The following CRIM1 variants were observed in gnomAD, a reference collection of about 807,000 sequenced individuals.
CRIM1 encodes the protein cysteine rich transmembrane BMP regulator 1.
CRIM1 carries 32 observed loss-of-function variants against 116.4 expected under a neutral mutation model. The observed-to-expected ratio is 0.27, with a 90% CI of 0.21 to 0.37. CRIM1 has a LOEUF of 0.37. Among genes scored for constraint, CRIM1 ranks in the 10% least tolerant of loss-of-function variants. CRIM1 has a pLI of 1.00. For synonymous variants in CRIM1, 590 were observed against 509.2 expected (o/e 1.16, Z -2.13); for missense variants, 1,331 against 1,354.8 (o/e 0.98, Z 0.28).
Position 36,356,214 on chromosome 2 carries a change from G to A in CRIM1, c.-79G>A. 1 of 665,038 alleles carries A rather than the reference G, an allele frequency of 1.5e-6. No individual in the cohort carries two copies. Among genetic ancestry groups the A allele is most frequent in the Non-Finnish European group, 2.1e-6 (1 of 480,188 alleles). 41.2% of individuals were successfully genotyped at this position (665,038 alleles called of 1,614,324 possible). ...GGGCTGCTGGTGCGGCGGCGGCGGC[G>A]CGTGTGCCCCGCGCAGGGGAGGGCG... On this transcript the variant is annotated 5_prime_UTR_variant, in exon 1 of 17. Coordinates refer to ENST00000280527, the MANE Select transcript of CRIM1 (RefSeq NM_016441.3). This position sits in a 1 kb window ranked among gnomAD's most constrained non-coding sequence, Gnocchi z 4.3.
chr2:36,412,111 T>C (rs1673256122), intron 2 of CRIM1, among the ~76,000 whole-genome samples: 1 of 152,182 alleles, frequency 6.6e-6, no homozygotes, highest in Non-Finnish European at 1.5e-5. Flanking sequence ...CTTGACTCCC[T>C]TTAGGTAGAC....
chr2:36,456,649 G>C (rs539680449), intron 4 of CRIM1, among the ~76,000 whole-genome samples: 1 of 152,168 alleles, frequency 6.6e-6, no homozygotes, highest in Non-Finnish European at 1.5e-5. Flanking sequence ...GCCAGCTCTC[G>C]ATGTGTGATA....
At position 36,513,670 on chromosome 2, in the gene CRIM1, T is replaced by C. The variant is rs1376430640; in HGVS notation, c.1895T>C (p.Leu632Pro). Residue 632 changes from leucine (L) to proline (P), a missense_variant, in exon 11 of 17, where the codon CTC becomes CCC. Around this residue, in one of 3 missense-constraint regions of CRIM1, gnomAD observed 358 missense variants for 436.1 expected, o/e 0.82. Coordinates refer to ENST00000280527, the MANE Select transcript of CRIM1 (RefSeq NM_016441.3). ...WHDGCRECYC[L>P]NGREMCALIT... Reference sequence around the variant, plus strand: ...GATGGGTGCCGGGAATGCTACTGTCTCAATGGACGGGAAATGTGTGCCCTG... The same window carrying C: ...GATGGGTGCCGGGAATGCTACTGTCCCAATGGACGGGAAATGTGTGCCCTG... 9 of 1,614,226 alleles carry C rather than the reference T, an allele frequency of 5.6e-6. No individual in the cohort carries two copies. The highest frequency in any genetic ancestry group is 7.6e-6 in the Non-Finnish European group (9 of 1,180,032).
Position 36,473,238 on chromosome 2 carries a change from T to G in CRIM1, c.992-3651T>G, listed in dbSNP as rs538667743. Among the ~76,000 whole-genome samples the G allele has an allele frequency of 3.3e-5, 5 of 152,290 alleles. No homozygotes were observed. In the East Asian group the frequency reaches 9.6e-4, roughly 29 times the overall value. On this transcript the variant is annotated intron_variant, in intron 5 of 16. Transcript: ENST00000280527. ...CATGCAAGGGGACATATTAAATGAT[T>G]TGGGGATGGACAGAAGAGCCCTTGA...
At chr2:36,548,423 G>C in intron 16 of CRIM1, 102 bp from the exon 17 acceptor site, 2 of 798,984 alleles carry the variant, frequency 2.5e-6, no homozygotes. Context: ...AATGAATTGT[G>C]AAACTGTTAT....
intron 11 of CRIM1, among the ~76,000 whole-genome samples, chr2:36,514,984 G>A (rs1467466870): frequency 2.6e-5 from 4 of 152,152 alleles, no homozygotes; most frequent in Non-Finnish European, 4.4e-5. Flanking sequence ...CTCCATGTCA[G>A]AACTCTTTCC....
intron 2 of CRIM1, among the ~76,000 whole-genome samples, chr2:36,417,540 G>A (rs1673712896): frequency 6.6e-6 from 1 of 151,882 alleles, no homozygotes; most frequent in Non-Finnish European, 1.5e-5. Flanking sequence ...TCATTTCAGG[G>A]GTCTGTTATC....
chr2:36,420,861 T>C (rs1362437022), intron 2 of CRIM1, among the ~76,000 whole-genome samples: 3 of 152,062 alleles, frequency 2.0e-5, no homozygotes, highest in Non-Finnish European at 4.4e-5. Flanking sequence ...GGGCTTTGAG[T>C]GTCATGGCAC....
intron 7 of CRIM1, among the ~76,000 whole-genome samples, chr2:36,496,525 A>T (rs1008090816): frequency 6.6e-6 from 1 of 152,212 alleles, no homozygotes; most frequent in African/African-American, 2.4e-5. Flanking sequence ...CTTGCATGCT[A>T]CAGCGTTGAG....
At chr2:36,543,998 A>G (rs570452738) in intron 14 of CRIM1, among the ~76,000 whole-genome samples, 2 of 152,306 alleles carry the variant, frequency 1.3e-5, no homozygotes, top group South Asian at 4.1e-4. Context: ...AAGTTATTCA[A>G]TACCCCCATA....
At chr2:36,526,670 G>C (rs1665779666) in intron 13 of CRIM1, among the ~76,000 whole-genome samples, 1 of 152,148 alleles carries the variant, frequency 6.6e-6, no homozygotes, top group South Asian at 2.1e-4. Context: ...TGATGCTTCT[G>C]CCCATACTGA....
intron 9 of CRIM1, among the ~76,000 whole-genome samples, chr2:36,511,095 C>A (rs1303855071): frequency 3.3e-5 from 5 of 152,142 alleles, no homozygotes; most frequent in African/African-American, 1.2e-4. Flanking sequence ...GCATGCGCCA[C>A]CATGCCCAAC....
chr2:36,474,422 T>G (rs1489910366), intron 5 of CRIM1, among the ~76,000 whole-genome samples: 1 of 152,254 alleles, frequency 6.6e-6, no homozygotes, highest in South Asian at 2.1e-4. Flanking sequence ...TTAACTCTTA[T>G]GCTTCCTTCT....
At chr2:36,437,571 A>G (rs1033425261) in intron 2 of CRIM1, among the ~76,000 whole-genome samples, 3 of 52,124 alleles carry the variant, frequency 5.8e-5, no homozygotes, top group African/African-American at 4.0e-4. Context: ...AACCGATTAT[A>G]TTAATAAAGA....
chr2:36,439,797 A>G (rs372008976), intron 2 of CRIM1, among the ~76,000 whole-genome samples: 2 of 152,230 alleles, frequency 1.3e-5, no homozygotes, highest in East Asian at 3.9e-4. Context: ...CATAGCACAT[A>G]TCACCCTTTA....
At chr2:36,531,944 G>A (rs774730722) in intron 13 of CRIM1, 1 of 470,998 alleles carries the variant, frequency 2.1e-6, no homozygotes, top group Non-Finnish European at 4.4e-6. Flanking sequence ...GCTGCATCCA[G>A]CAAAGGGCTC....
At chr2:36,449,157 G>C (rs1455059209) in intron 4 of CRIM1, among the ~76,000 whole-genome samples, 1 of 151,784 alleles carries the variant, frequency 6.6e-6, no homozygotes, top group Non-Finnish European at 1.5e-5. Context: ...TTGGACACAT[G>C]AAATTCTAAG....
intron 13 of CRIM1, among the ~76,000 whole-genome samples, chr2:36,531,461 A>G (rs552584247): frequency 4.0e-5 from 6 of 151,696 alleles, no homozygotes; most frequent in African/African-American, 1.5e-4. Context: ...GTTTCAGAGC[A>G]GGGCTGTGCC....
chr2:36,398,423 A>G (rs1672189019), intron 2 of CRIM1, among the ~76,000 whole-genome samples: 1 of 152,190 alleles, frequency 6.6e-6, no homozygotes, highest in African/African-American at 2.4e-5. Flanking sequence ...GTCACATAAA[A>G]TTAGGACAAT....
Sources: allele counts gnomAD v4.1 joint callset (sites outside exome capture counted in the v4.1 genomes callset), GRCh38; gene constraint gnomAD v4.1.1; regional missense constraint gnomAD v4.1.1; non-coding constraint Gnocchi (gnomAD v3.1); transcripts MANE v1.5; gene names NCBI Gene and HGNC (gene_info 2026-07-23, HGNC 2026-07-21).